Variants in EPSTI1 observed in about 807,000 individuals in gnomAD.
EPSTI1 encodes the protein epithelial stromal interaction 1.
A neutral mutation model predicts 49.9 loss-of-function variants in EPSTI1; 66 were observed. The ratio of observed to expected loss-of-function variants is 1.32; its 90% CI spans 1.08 to 1.62. EPSTI1 has a LOEUF of 1.62. Ranked by LOEUF, EPSTI1 falls within the 40% of genes most tolerant of loss-of-function variation. EPSTI1 has a pLI of 0.00. For synonymous variants in EPSTI1, 137 were observed against 130.7 expected (o/e 1.05, Z -0.33); for missense variants, 394 against 365.5 (o/e 1.08, Z -0.64).
chr13:42,917,109 T>G (rs2037851151), intron 8 of EPSTI1, among the ~76,000 whole-genome samples: 1 of 152,224 alleles, frequency 6.6e-6, no homozygotes, highest in African/African-American at 2.4e-5. Flanking sequence ...TGTATGTGTA[T>G]AACTATTTTT....
chr13:42,969,206 C>T (rs371625216), intron 2 of EPSTI1, 29 bp from the exon 3 acceptor site: 205 of 1,605,912 alleles, frequency 1.3e-4, no homozygotes, highest in Non-Finnish European at 1.7e-4. Flanking sequence ...ATCAAATCGT[C>T]AATTATTAGA....
intron 10 of EPSTI1, among the ~76,000 whole-genome samples, chr13:42,893,484 G>T (rs1342873200): frequency 6.6e-6 from 1 of 152,146 alleles, no homozygotes; most frequent in Non-Finnish European, 1.5e-5. Flanking sequence ...TTTGGACTTG[G>T]ATATGCCCAT....
At chr13:42,901,197 A>G (rs1483410076) in intron 8 of EPSTI1, among the ~76,000 whole-genome samples, 2 of 152,198 alleles carry the variant, frequency 1.3e-5, no homozygotes, top group Non-Finnish European at 2.9e-5. Flanking sequence ...TGAGTCAGAG[A>G]GATTTTCTGG....
chr13:42,937,426 G>A (rs535030037), intron 6 of EPSTI1, among the ~76,000 whole-genome samples: 17 of 152,160 alleles, frequency 1.1e-4, no homozygotes, highest in Non-Finnish European at 1.6e-4. Flanking sequence ...ATGCAATGCC[G>A]TTTGACAGCC....
intron 1 of EPSTI1, among the ~76,000 whole-genome samples, chr13:42,973,097 T>A (rs1411637067): frequency 6.6e-6 from 1 of 152,226 alleles, no homozygotes; most frequent in Non-Finnish European, 1.5e-5. Context: ...ATTTTCCAAG[T>A]CCATGAGTCT....
At chr13:42,976,052 T>C (rs746798502) in intron 1 of EPSTI1, among the ~76,000 whole-genome samples, 1 of 152,240 alleles carries the variant, frequency 6.6e-6, no homozygotes, top group Non-Finnish European at 1.5e-5. Context: ...GGGATTTGAT[T>C]GGATTCCACT....
intron 6 of EPSTI1, among the ~76,000 whole-genome samples, chr13:42,928,117 G>T (rs3803249): frequency 0.018 from 2,743 of 152,234 alleles, 63 homozygotes; most frequent in South Asian, 0.099. Context: ...CACTCATGCC[G>T]CAGGATATAA....
At chr13:42,977,298 C>T (rs1248806984) in intron 1 of EPSTI1, among the ~76,000 whole-genome samples, 1 of 152,206 alleles carries the variant, frequency 6.6e-6, no homozygotes. Flanking sequence ...GTAGGCCCTA[C>T]CCAACATTCA....
intron 8 of EPSTI1, among the ~76,000 whole-genome samples, chr13:42,911,262 TGTGC>T (rs1344199673): frequency 8.6e-6 from 1 of 116,230 alleles, no homozygotes; most frequent in African/African-American, 3.2e-5. Flanking sequence ...TGTGTGTGTG[TGTGC>T]GCGCGCACGC....
intron 1 of EPSTI1, among the ~76,000 whole-genome samples, chr13:42,979,967 A>G (rs1018082582): frequency 6.6e-6 from 1 of 151,920 alleles, no homozygotes; most frequent in East Asian, 1.9e-4. Context: ...ATGGTTTGAC[A>G]TGTGTTTGTA....
intron 5 of EPSTI1, among the ~76,000 whole-genome samples, chr13:42,957,985 T>G (rs559268971): frequency 6.6e-6 from 1 of 152,260 alleles, no homozygotes; most frequent in African/African-American, 2.4e-5. Context: ...TTGCCCAGAC[T>G]GGTCTCAAAG....
chr13:42,962,789 AGAAAG>A (rs1352992723), intron 5 of EPSTI1, among the ~76,000 whole-genome samples: 17 of 152,164 alleles, frequency 1.1e-4, no homozygotes, highest in African/African-American at 3.9e-4. Context: ...CAAAAAAAAA[AGAAAG>A]GAAACAGTTT....
At chr13:42,904,643 C>A (rs2153413326) in intron 8 of EPSTI1, among the ~76,000 whole-genome samples, 1 of 152,134 alleles carries the variant, frequency 6.6e-6, no homozygotes, top group Admixed American at 6.5e-5. Flanking sequence ...ACACTTGTAC[C>A]ATAAGTGAGA....
chr13:42,942,777 T>C (rs888403245), intron 6 of EPSTI1, among the ~76,000 whole-genome samples: 17 of 144,980 alleles, frequency 1.2e-4, no homozygotes, highest in African/African-American at 3.8e-4. Context: ...CAAGCTCCGC[T>C]TCCCGGGTTC....
intron 6 of EPSTI1, among the ~76,000 whole-genome samples, chr13:42,935,799 C>T (rs1413790796): frequency 6.6e-6 from 1 of 151,892 alleles, no homozygotes; most frequent in African/African-American, 2.4e-5. Context: ...CACCATGTTG[C>T]CCAGGTTGGT....
intron 8 of EPSTI1, among the ~76,000 whole-genome samples, chr13:42,901,996 C>T (rs984278002): frequency 6.6e-6 from 1 of 151,106 alleles, no homozygotes; most frequent in Admixed American, 6.6e-5. Context: ...CAATTCCCAC[C>T]TATGAGTGAG....
intron 6 of EPSTI1, among the ~76,000 whole-genome samples, chr13:42,938,926 A>AAAAAAAAAAAG (rs1224269667): frequency 6.6e-6 from 1 of 150,568 alleles, no homozygotes; most frequent in Non-Finnish European, 1.5e-5. Context: ...AAAAAAAAAA[A>AAAAAAAAAAAG]AAAAAATCTG....
chr13:42,916,311 G>T (rs755016791), intron 8 of EPSTI1, among the ~76,000 whole-genome samples: 3 of 150,528 alleles, frequency 2.0e-5, no homozygotes, highest in Non-Finnish European at 4.4e-5. Context: ...AATGTTTCAT[G>T]ATTCGTCTTT....
At chr13:42,973,156 T>G (rs1250481770) in intron 1 of EPSTI1, among the ~76,000 whole-genome samples, 1 of 152,234 alleles carries the variant, frequency 6.6e-6, no homozygotes, top group South Asian at 2.1e-4. Flanking sequence ...TCAACTCATT[T>G]GTAAAAGATT....
Sources: allele counts gnomAD v4.1 joint callset (sites outside exome capture counted in the v4.1 genomes callset), GRCh38; gene constraint gnomAD v4.1.1; transcripts MANE v1.5; gene names NCBI Gene and HGNC (gene_info 2026-07-23, HGNC 2026-07-21).